RAD54B: variants seen among roughly 807,000 people sequenced by gnomAD.
The protein encoded by RAD54B is RAD54 homolog B, also known as DNA repair and recombination protein RAD54B.
In RAD54B, 78 loss-of-function variants were observed where a neutral mutation model predicts 95.8. That is an observed-to-expected ratio of 0.81 (90% confidence interval 0.68 to 0.98). The LOEUF (loss-of-function observed/expected upper bound fraction) is 0.98, where lower values mean the gene tolerates loss of function less well. Ranked by LOEUF, RAD54B falls within the 50% of genes least tolerant of loss-of-function variation. The pLI is 0.00. For synonymous variants in RAD54B, 328 were observed against 354.9 expected (o/e 0.92, Z 0.85); for missense variants, 957 against 1,056.6 (o/e 0.91, Z 1.31).
intron 3 of RAD54B, among the ~76,000 whole-genome samples, chr8:94,425,177 CTG>C (rs1463769151): frequency 6.7e-6 from 1 of 150,138 alleles, no homozygotes; most frequent in Non-Finnish European, 1.5e-5. Flanking sequence ...CATAGCCACT[CTG>C]GAGTTGAATG....
At chr8:94,394,738 T>G (rs1811102400) in intron 8 of RAD54B, among the ~76,000 whole-genome samples, 1 of 152,128 alleles carries the variant, frequency 6.6e-6, no homozygotes, top group African/African-American at 2.4e-5. Context: ...GCACAAACAA[T>G]GTAATATCAG....
chr8:94,436,888 AG>A, intron 3 of RAD54B: 1 of 1,492,002 alleles, frequency 6.7e-7, no homozygotes, highest in Non-Finnish European at 8.9e-7. Flanking sequence ...CAAATTAAGT[AG>A]GCAGTTTCTG....
intron 11 of RAD54B, among the ~76,000 whole-genome samples, chr8:94,384,219 C>T (rs1810813980): frequency 6.6e-6 from 1 of 151,910 alleles, no homozygotes; most frequent in African/African-American, 2.4e-5. Flanking sequence ...CAACATTATT[C>T]ACAAGAGCCA....
At chr8:94,415,184 A>C (rs948341304) in intron 3 of RAD54B, among the ~76,000 whole-genome samples, 9 of 151,954 alleles carry the variant, frequency 5.9e-5, no homozygotes, top group African/African-American at 1.9e-4. Flanking sequence ...GATCAATGGA[A>C]TAGAACAGAG....
Position 94,391,629 on chromosome 8 carries a change from G to A in RAD54B, c.1789C>T (p.Leu597Phe). 6.2e-7 allele frequency: 1 copy of A among 1,613,606 alleles called. No individual in the cohort carries two copies. The highest frequency in any genetic ancestry group is 8.5e-7 in the Non-Finnish European group (1 of 1,179,882). The change falls in exon 10 of 15, where the codon CTT becomes TTT. Residue 597 changes from leucine (L) to phenylalanine (F), a missense_variant. By Grantham distance (22) the Leu-to-Phe change is conservative (BLOSUM62 0). Coordinates refer to ENST00000336148, the MANE Select transcript of RAD54B (RefSeq NM_012415.3). The stretch of plus-strand genomic sequence containing the variant: ...CTTACCTTTATAGAGTTGAACAAAA[G>A]GCAGGGGTGATTGCACAGTTTTTTA... Reference protein sequence around the residue: ...ALKKLCNHPCLLFNSIKEKEC... With the variant: ...ALKKLCNHPCFLFNSIKEKEC...
Position 94,407,736 on chromosome 8 carries a change from GA to G in RAD54B, c.500-17del. 6.3e-6 allele frequency: 10 copies of G among 1,593,602 alleles called. No individual in the cohort carries two copies. The highest frequency in any genetic ancestry group is 7.7e-6 in the Non-Finnish European group (9 of 1,169,206). ...TAACCAATGCCTTTAAGTTAAGAAAGAAAAAAATTAATTGACACTCTATGAT... is the reference window on the plus strand; with the variant it reads ...TAACCAATGCCTTTAAGTTAAGAAAGAAAAAATTAATTGACACTCTATGAT... On this transcript the variant is annotated splice_polypyrimidine_tract_variant and intron_variant, in intron 4 of 14. Coordinates refer to ENST00000336148, the MANE Select transcript of RAD54B (RefSeq NM_012415.3).
At chr8:94,462,498 A>G (rs1586040939) in intron 2 of RAD54B, among the ~76,000 whole-genome samples, 1 of 152,116 alleles carries the variant, frequency 6.6e-6, no homozygotes, top group Non-Finnish European at 1.5e-5. Flanking sequence ...GTATTATTCA[A>G]TGGGCTATAA....
At chr8:94,443,896 G>T (rs2130141257) in intron 3 of RAD54B, among the ~76,000 whole-genome samples, 1 of 151,612 alleles carries the variant, frequency 6.6e-6, no homozygotes, top group South Asian at 2.1e-4. Context: ...ATGCATATAT[G>T]AAAATATCAC....
In RAD54B at chr8:94,380,175, G is replaced by A. The variant is rs757646833; in HGVS notation, c.2217C>T (p.Asp739=). Residue 739 remains aspartate, a synonymous_variant, in exon 12 of 15, where the codon GAC becomes GAT. Transcript: ENST00000336148. ...LIGGSHLILY[D]IDWNPATDIQ... ...TGTCAGTGGCTGGATTCCAATCAATGTCATAGAGAATTAAGTGAGATCCTC... is the reference window on the plus strand; with the variant it reads ...TGTCAGTGGCTGGATTCCAATCAATATCATAGAGAATTAAGTGAGATCCTC... The A allele has an allele frequency of 6.2e-6, 10 of 1,612,064 alleles. No homozygotes were observed. The East Asian group carries it at 1.3e-4, about 22-fold the overall frequency.
intron 14 of RAD54B, among the ~76,000 whole-genome samples, chr8:94,377,742 C>A (rs1323460514): frequency 3.3e-5 from 5 of 150,542 alleles, no homozygotes; most frequent in Admixed American, 2.0e-4. Context: ...TTTGGGAGGC[C>A]GAGGCGGGCG....
intron 14 of RAD54B, among the ~76,000 whole-genome samples, chr8:94,375,565 T>C (rs1372398679): frequency 3.3e-5 from 5 of 152,188 alleles, no homozygotes; most frequent in East Asian, 3.8e-4. Context: ...TAAACTTCTT[T>C]TTTTTGTAAA....
intron 3 of RAD54B, among the ~76,000 whole-genome samples, chr8:94,453,975 G>A (rs892668690): frequency 2.7e-4 from 41 of 152,126 alleles, no homozygotes; most frequent in African/African-American, 9.9e-4. Context: ...ATTTTTAGTA[G>A]AGACAGGGCT....
rs368008261 is a variant in RAD54B at position 94,414,704 on chromosome 8, C to T, written c.305-3389G>A. Among the ~76,000 whole-genome samples the T allele has an allele frequency of 7.0e-4, 106 of 152,268 alleles. 1 individual carries two copies. The East Asian group carries it at 0.019, about 28-fold the overall frequency. On this transcript the variant is annotated intron_variant, in intron 3 of 14. Coordinates refer to ENST00000336148, the MANE Select transcript of RAD54B (RefSeq NM_012415.3). ...AAAATCAATGTATAAAAATCACAAG[C>T]ATTCTTATACACCAATAACAGACAA...
At chr8:94,441,881 G>A (rs1392898573) in intron 3 of RAD54B, among the ~76,000 whole-genome samples, 1 of 152,176 alleles carries the variant, frequency 6.6e-6, no homozygotes, top group Non-Finnish European at 1.5e-5. Context: ...GGGAAACGGG[G>A]TCAAAGGCCA....
intron 3 of RAD54B, chr8:94,431,470 T>G: frequency 5.1e-6 from 5 of 982,314 alleles, no homozygotes; most frequent in Non-Finnish European, 6.0e-6. Flanking sequence ...AGAGAATGTT[T>G]TAGTGGATAT....
At chr8:94,463,267 T>A (rs1451185169) in intron 2 of RAD54B, among the ~76,000 whole-genome samples, 2 of 143,532 alleles carry the variant, frequency 1.4e-5, no homozygotes, top group African/African-American at 2.6e-5. Context: ...AGACTTCACC[T>A]TAAAAAAAAA....
chr8:94,474,589 A>AGT (rs879361172), intron 1 of RAD54B, among the ~76,000 whole-genome samples: 4,804 of 152,306 alleles, frequency 0.032, 120 homozygotes, highest in Non-Finnish European at 0.048. Context: ...AAGCCCCTAA[A>AGT]GAAGGCGTAC....
At chr8:94,457,284 G>C (rs1051836824) in intron 3 of RAD54B, among the ~76,000 whole-genome samples, 1 of 152,170 alleles carries the variant, frequency 6.6e-6, no homozygotes, top group African/African-American at 2.4e-5. Context: ...CAGTAAGATA[G>C]AGCAGAGCTA....
Position 94,416,748 on chromosome 8 carries a change from T to C in RAD54B, c.305-5433A>G, listed in dbSNP as rs889012594. Among the ~76,000 whole-genome samples the C allele has an allele frequency of 3.9e-5, 6 of 152,244 alleles. No individual in the cohort carries two copies. The South Asian group carries it at 1.2e-3, about 32-fold the overall frequency. ...AGATAATAAACAAGTGTGATGCGTA[T>C]GTGGAGAAATCAAAACCCTCATACC... On this transcript the variant is annotated intron_variant, in intron 3 of 14. Transcript: ENST00000336148.
Sources: allele counts gnomAD v4.1 joint callset (sites outside exome capture counted in the v4.1 genomes callset), GRCh38; gene constraint gnomAD v4.1.1; transcripts MANE v1.5; gene names NCBI Gene and HGNC (gene_info 2026-07-23, HGNC 2026-07-21).